The following TANK variants were observed in gnomAD, a reference collection of about 807,000 sequenced individuals.
TANK encodes the protein TRAF family member associated NFKB activator.
Under a neutral mutation model 43.6 loss-of-function variants are expected in TANK, and 15 were observed. The observed-to-expected ratio is 0.34, with a 90% CI of 0.23 to 0.53. The LOEUF is 0.53. TANK is among the 20% of genes least tolerant of loss of function. The pLI is 0.94. For missense variants in TANK, 417 were observed against 498.6 expected, an observed-to-expected ratio of 0.84 and a Z score of 1.56; for synonymous variants, 162 against 178.2, an observed-to-expected ratio of 0.91 and a Z score of 0.73.
chr2:161,153,913 A>T (rs1019409740), intron 1 of TANK, among the ~76,000 whole-genome samples: 1 of 152,208 alleles, frequency 6.6e-6, no homozygotes, highest in African/African-American at 2.4e-5. Context: ...CATATGAACG[A>T]GGCAACTTTA....
chr2:161,150,628 A>T (rs1684050364), intron 1 of TANK, among the ~76,000 whole-genome samples: 1 of 113,234 alleles, frequency 8.8e-6, no homozygotes, highest in Non-Finnish European at 1.7e-5. Flanking sequence ...ATGGAGTCTT[A>T]CTCTGTCTCC....
chr2:161,190,827 G>A (rs1685881984), intron 2 of TANK, among the ~76,000 whole-genome samples: 1 of 152,114 alleles, frequency 6.6e-6, no homozygotes. Flanking sequence ...ACTGCGTAAT[G>A]GATACAGAGT....
chr2:161,230,856 C>T, intron 6 of TANK, 115 bp from the exon 7 acceptor site: 1 of 812,866 alleles, frequency 1.2e-6, no homozygotes, highest in Non-Finnish European at 1.9e-6. Context: ...CAGTTGTCTT[C>T]ATTTGCTATA....
At chr2:161,139,937 CT>C (rs746143175) in intron 1 of TANK, 1 of 968,592 alleles carries the variant, frequency 1.0e-6, no homozygotes, top group East Asian at 1.1e-4. Context: ...TTATATCCAA[CT>C]TATATTAAGA....
chr2:161,223,289 T>C (rs990124628), intron 4 of TANK: 2 of 152,078 alleles, frequency 1.3e-5, no homozygotes, highest in Non-Finnish European at 2.9e-5. Context: ...TTAATGTTGA[T>C]TTTTAAATGT....
intron 1 of TANK, among the ~76,000 whole-genome samples, chr2:161,174,805 A>G (rs144593065): frequency 1.2e-3 from 177 of 152,290 alleles, no homozygotes; most frequent in African/African-American, 4.0e-3. Context: ...TCAGGTTTGC[A>G]TGGTTGTCCT....
intron 2 of TANK, among the ~76,000 whole-genome samples, chr2:161,199,432 T>C (rs563973366): frequency 1.3e-5 from 2 of 152,048 alleles, no homozygotes; most frequent in African/African-American, 2.4e-5. Flanking sequence ...ATAAGTGCCT[T>C]GGAAAATACA....
intron 2 of TANK, chr2:161,200,675 G>C (rs1001554738): frequency 2.3e-6 from 1 of 434,180 alleles, no homozygotes; most frequent in African/African-American, 2.2e-5. Flanking sequence ...GTTTCCCTTT[G>C]TCGTATTTAC....
upstream of TANK, among the ~76,000 whole-genome samples, chr2:161,155,853 C>G (rs1389905632): frequency 6.6e-6 from 1 of 152,184 alleles, no homozygotes; most frequent in Non-Finnish European, 1.5e-5. Flanking sequence ...GTATGTATGT[C>G]ACCCAGTATA....
At chr2:161,230,631 A>G (rs1292748653) in intron 6 of TANK, among the ~76,000 whole-genome samples, 1 of 152,278 alleles carries the variant, frequency 6.6e-6, no homozygotes, top group Non-Finnish European at 1.5e-5. Flanking sequence ...ACTCACAGTT[A>G]TAGCTTCCGT....
At chr2:161,174,657 A>G (rs1685099822) in intron 1 of TANK, among the ~76,000 whole-genome samples, 1 of 152,190 alleles carries the variant, frequency 6.6e-6, no homozygotes, top group Admixed American at 6.5e-5. Context: ...CTTTGTCTTA[A>G]TAACAAAGAA....
intron 2 of TANK, among the ~76,000 whole-genome samples, chr2:161,192,138 A>G (rs2105322685): frequency 6.6e-6 from 1 of 152,108 alleles, no homozygotes; most frequent in Admixed American, 6.5e-5. Context: ...GTGGCTTGAG[A>G]TATCTGTGAC....
intron 4 of TANK, among the ~76,000 whole-genome samples, chr2:161,205,250 A>C (rs756530770): frequency 1.3e-5 from 2 of 152,132 alleles, no homozygotes; most frequent in Non-Finnish European, 2.9e-5. Context: ...TAAGAAGTCA[A>C]GGCTGCTGCA....
chr2:161,193,183 C>T (rs16845704), intron 2 of TANK, among the ~76,000 whole-genome samples: 6,195 of 152,224 alleles, frequency 0.041, 265 homozygotes, highest in East Asian at 0.18. Flanking sequence ...TATTCCATTT[C>T]TTGGCATGTG....
At chr2:161,221,438 A>T (rs1329164220) in intron 4 of TANK, among the ~76,000 whole-genome samples, 1 of 152,194 alleles carries the variant, frequency 6.6e-6, no homozygotes, top group East Asian at 1.9e-4. Flanking sequence ...TGAGATGCTC[A>T]ACAAACTGAT....
At chr2:161,190,034 G>C (rs541750911) in intron 2 of TANK, among the ~76,000 whole-genome samples, 1 of 152,142 alleles carries the variant, frequency 6.6e-6, no homozygotes, top group African/African-American at 2.4e-5. Flanking sequence ...TATCAACAGA[G>C]TGAAAAGGCA....
At chr2:161,144,431 G>A (rs934835548) in intron 1 of TANK, among the ~76,000 whole-genome samples, 1 of 152,132 alleles carries the variant, frequency 6.6e-6, no homozygotes, top group Non-Finnish European at 1.5e-5. Flanking sequence ...GCTTTCTGAT[G>A]TGGGCATTTA....
intron 4 of TANK, chr2:161,219,893 T>G (rs1427092599): frequency 2.9e-6 from 1 of 346,116 alleles, no homozygotes; most frequent in African/African-American, 2.2e-5. Context: ...TTACTTTTCC[T>G]TTTTCTGTAG....
At chr2:161,171,535 G>GTA (rs911624127) in intron 1 of TANK, among the ~76,000 whole-genome samples, 2 of 152,180 alleles carry the variant, frequency 1.3e-5, no homozygotes, top group Non-Finnish European at 2.9e-5. Context: ...AGAGCACAGA[G>GTA]TAAAGCTTTA....
Sources: gnomAD v4.1 joint callset for allele counts (sites outside exome capture counted in the v4.1 genomes callset) on GRCh38, gnomAD v4.1.1 for gene constraint, MANE v1.5 for transcripts, NCBI Gene and HGNC (gene_info 2026-07-23, HGNC 2026-07-21) for gene names.